TACC2: variants seen among roughly 807,000 people sequenced by gnomAD.
TACC2 encodes transforming acidic coiled-coil-containing protein 2.
TACC2 carries 137 observed loss-of-function variants against 227.3 expected under a neutral mutation model. The ratio of observed to expected loss-of-function variants is 0.60; its 90% CI spans 0.52 to 0.69. The LOEUF (loss-of-function observed/expected upper bound fraction) is 0.69, where lower values mean the gene tolerates loss of function less well. TACC2 is among the 30% of genes least tolerant of loss of function. The pLI is 0.00. For missense variants in TACC2, 3,470 were observed against 3,694.4 expected (o/e 0.94, Z 1.57); for synonymous variants, 1,523 against 1,487.5 (o/e 1.02, Z -0.55).
At chr10:122,155,029 A>G (rs1397311464) in intron 7 of TACC2, among the ~76,000 whole-genome samples, 1 of 152,162 alleles carries the variant, frequency 6.6e-6, no homozygotes, top group African/African-American at 2.4e-5. Context: ...GTGGGAAGAA[A>G]TTTACCCCAG....
chr10:122,031,259 T>C (rs550914310), intron 2 of TACC2, among the ~76,000 whole-genome samples: 1 of 152,290 alleles, frequency 6.6e-6, no homozygotes, highest in South Asian at 2.1e-4. Flanking sequence ...AAGATGGCTC[T>C]GGGGATCCCT....
At chr10:122,068,892 G>A (rs901546731) in intron 3 of TACC2, among the ~76,000 whole-genome samples, 2 of 150,838 alleles carry the variant, frequency 1.3e-5, no homozygotes, top group Non-Finnish European at 3.0e-5. Context: ...TAGAGACGAG[G>A]TTTCACCATA....
intron 8 of TACC2, among the ~76,000 whole-genome samples, chr10:122,208,387 CA>C (rs1337978489): frequency 1.3e-5 from 2 of 152,134 alleles, no homozygotes; most frequent in Non-Finnish European, 2.9e-5. Context: ...CCAGGTACTC[CA>C]GGAGAAAGGT....
chr10:121,996,442 C>A (rs4752631), intron 1 of TACC2, among the ~76,000 whole-genome samples: 23,271 of 152,086 alleles, frequency 0.15, 2,189 homozygotes, highest in Admixed American at 0.24. Flanking sequence ...CAAACCATTC[C>A]TGAGGGATCC....
Position 122,082,903 on chromosome 10 carries a change from A to G in TACC2, c.403A>G (p.Thr135Ala). 1 of 1,613,142 alleles carries G rather than the reference A, an allele frequency of 6.2e-7. No homozygotes were observed. The change falls in exon 4 of 23, where the codon ACT becomes GCT. Residue 135 changes from threonine to alanine, a missense_variant. This residue lies in a region of TACC2 where 405 missense variants were observed against 389.6 expected (regional missense o/e 1.04). Transcript: ENST00000369005. Reference protein sequence around the residue: ...PAAAPEDGPQTQSPRREPAPN... With the variant: ...PAAAPEDGPQAQSPRREPAPN... ...AGCGGCACCTGAAGATGGTCCTCAG[A>G]CTCAGTCTCCCAGGAGGGAACCTGC...
intron 6 of TACC2, among the ~76,000 whole-genome samples, chr10:122,137,205 G>T (rs547694002): frequency 5.3e-5 from 8 of 152,082 alleles, no homozygotes; most frequent in African/African-American, 1.9e-4. Flanking sequence ...AGAAAGCTGG[G>T]CCCAGATCTT....
At chr10:122,129,060 A>AATTATT (rs34221080) in intron 5 of TACC2, among the ~76,000 whole-genome samples, 5,182 of 128,422 alleles carry the variant, frequency 0.04, 115 homozygotes, top group Middle Eastern at 0.057. Context: ...ATCTTATTTT[A>AATTATT]ATTATTATTA....
chr10:122,151,602 C>T (rs919880603), intron 7 of TACC2, among the ~76,000 whole-genome samples: 1 of 152,038 alleles, frequency 6.6e-6, no homozygotes, highest in African/African-American at 2.4e-5. Flanking sequence ...AGAAACATGT[C>T]TTCTCTTTTC....
chr10:122,047,597 G>A (rs141129477), intron 2 of TACC2, among the ~76,000 whole-genome samples: 4 of 152,314 alleles, frequency 2.6e-5, no homozygotes, highest in African/African-American at 4.8e-5. Flanking sequence ...AAACAGAGAC[G>A]CCCTGTCCTG....
chr10:122,037,683 A>ACCCAT (rs1960835826), intron 2 of TACC2, among the ~76,000 whole-genome samples: 1 of 152,106 alleles, frequency 6.6e-6, no homozygotes, highest in East Asian at 1.9e-4. Context: ...CCTCATGTAT[A>ACCCAT]CCCATCCGTG....
At chr10:122,237,348 A>G (rs776314314) in intron 16 of TACC2, 47 bp from the exon 17 acceptor site, 1 of 1,560,728 alleles carries the variant, frequency 6.4e-7, no homozygotes, top group African/African-American at 1.4e-5. Flanking sequence ...TCTTTGTCGT[A>G]TGATTAATGC....
intron 17 of TACC2, 129 bp downstream of exon 17, chr10:122,237,667 C>G (rs2095883860): frequency 8.3e-7 from 1 of 1,200,228 alleles, no homozygotes; most frequent in Admixed American, 2.7e-5. Context: ...ATGTGTGGCA[C>G]ACCATGCGTT....
At chr10:122,044,030 C>T (rs1230738310) in intron 2 of TACC2, among the ~76,000 whole-genome samples, 1 of 152,212 alleles carries the variant, frequency 6.6e-6, no homozygotes, top group Non-Finnish European at 1.5e-5. Flanking sequence ...AACCTAGACC[C>T]AGCCCTTACT....
chr10:122,061,518 G>C (rs1486867345), intron 3 of TACC2, among the ~76,000 whole-genome samples: 2 of 152,146 alleles, frequency 1.3e-5, no homozygotes, highest in African/African-American at 4.8e-5. Context: ...GCTTGTGCTG[G>C]GGGAATCCCA....
intron 7 of TACC2, among the ~76,000 whole-genome samples, chr10:122,159,561 G>T (rs566668598): frequency 1.2e-4 from 18 of 152,304 alleles, no homozygotes; most frequent in Admixed American, 1.2e-3. Context: ...GTGACACGGG[G>T]CTGGATGCCT....
chr10:122,137,836 T>C (rs1395540424), intron 6 of TACC2, among the ~76,000 whole-genome samples: 1 of 152,156 alleles, frequency 6.6e-6, no homozygotes, highest in Non-Finnish European at 1.5e-5. Context: ...GCTTTTCTCC[T>C]CACCTGTGAA....
At chr10:122,253,949 G>C (rs756982546) in intron 22 of TACC2, 42 bp from the exon 23 acceptor site, 5 of 1,582,736 alleles carry the variant, frequency 3.2e-6, no homozygotes, top group East Asian at 2.2e-5. Flanking sequence ...TGACTGGCCA[G>C]ATTTCAAACA....
intron 5 of TACC2, among the ~76,000 whole-genome samples, chr10:122,116,436 T>G (rs2084714019): frequency 6.6e-6 from 1 of 152,198 alleles, no homozygotes; most frequent in Non-Finnish European, 1.5e-5. Flanking sequence ...GCCCAGAATT[T>G]ATAGACAAAG....
At chr10:122,226,594 C>A in intron 13 of TACC2, 113 bp downstream of exon 13, 3 of 714,316 alleles carry the variant, frequency 4.2e-6, no homozygotes, top group East Asian at 2.8e-5. Context: ...AGGCGGCTGA[C>A]ATGCCACATA....
Sources: gnomAD v4.1 joint callset for allele counts (sites outside exome capture counted in the v4.1 genomes callset) on GRCh38, gnomAD v4.1.1 for gene constraint, gnomAD v4.1.1 regional missense constraint, MANE v1.5 for transcripts, NCBI Gene and HGNC (gene_info 2026-07-23, HGNC 2026-07-21) for gene names.